The following CHRM3 variants were observed in gnomAD, a reference collection of about 807,000 sequenced individuals.
CHRM3 encodes muscarinic acetylcholine receptor M3.
CHRM3 carries 11 observed loss-of-function variants against 41.8 expected under a neutral mutation model. The ratio of observed to expected loss-of-function variants is 0.26; its 90% CI spans 0.17 to 0.44. The LOEUF is 0.44. Among genes scored for constraint, CHRM3 ranks in the 20% least tolerant of loss-of-function variants. CHRM3 has a pLI of 1.00. For missense variants in CHRM3, 571 were observed against 745.4 expected, an observed-to-expected ratio of 0.77 and a Z score of 2.72; for synonymous variants, 297 against 301.4, an observed-to-expected ratio of 0.99 and a Z score of 0.15.
chr1:239,738,016 AC>A (rs1346535798), intron 5 of CHRM3, among the ~76,000 whole-genome samples: 1 of 152,126 alleles, frequency 6.6e-6, no homozygotes, highest in Non-Finnish European at 1.5e-5. Flanking sequence ...AACAACAACA[AC>A]AAAAAACTGA....
chr1:239,631,891 G>C lies in CHRM3; in HGVS notation c.-312-333G>C, dbSNP rs16838580. The stretch of plus-strand genomic sequence containing the variant: ...TCACTTACATGCAAAATGAAGAGAT[G>C]AGCAACTTCTTTATTTTTATTCTTC... On this transcript the variant is annotated intron_variant, in intron 3 of 6. Transcript: ENST00000676153. Among the ~76,000 whole-genome samples, 340 of 152,314 alleles carry C rather than the reference G, an allele frequency of 2.2e-3. 3 individuals carry two copies. Among genetic ancestry groups the C allele is most frequent in the African/African-American group, 7.8e-3 (325 of 41,584 alleles).
chr1:239,440,409 G>A lies in CHRM3; in HGVS notation c.-520-52300G>A, dbSNP rs137930132. ...TGGCTGAGGCCGATGGAGCACCTGAGCCCAGGAGTTCAAGACCAGCTTGGG... is the reference window on the plus strand; with the variant it reads ...TGGCTGAGGCCGATGGAGCACCTGAACCCAGGAGTTCAAGACCAGCTTGGG... On this transcript the variant is annotated intron_variant, in intron 1 of 6. Transcript: ENST00000676153. 6.6e-3 allele frequency among the ~76,000 whole-genome samples: 997 copies of A among 152,212 alleles called. 13 individuals are homozygous for A. The highest frequency in any genetic ancestry group is 0.022 in the African/African-American group (929 of 41,534).
chr1:239,504,092 C>A (rs562281531), intron 2 of CHRM3, among the ~76,000 whole-genome samples: 2 of 152,136 alleles, frequency 1.3e-5, no homozygotes, highest in Admixed American at 6.5e-5. Context: ...TTTTGCACAG[C>A]AAAAGCTTTG....
chr1:239,526,968 A>T (rs547176777), intron 2 of CHRM3, among the ~76,000 whole-genome samples: 3 of 152,168 alleles, frequency 2.0e-5, no homozygotes, highest in South Asian at 2.1e-4. Flanking sequence ...AAAGATATTT[A>T]AAAAATTAGC....
chr1:239,435,795 T>A (rs1307882938), intron 1 of CHRM3, among the ~76,000 whole-genome samples: 1 of 152,150 alleles, frequency 6.6e-6, no homozygotes, highest in Non-Finnish European at 1.5e-5. Flanking sequence ...TCTTTTTTCT[T>A]TTTGACATTT....
chr1:239,581,348 G>C (rs1183002789), intron 3 of CHRM3, among the ~76,000 whole-genome samples: 5 of 150,940 alleles, frequency 3.3e-5, no homozygotes, highest in Non-Finnish European at 7.4e-5. Context: ...CTTAGATCTT[G>C]TTTACAGTCT....
chr1:239,468,629 A>G (rs183451778), intron 1 of CHRM3, among the ~76,000 whole-genome samples: 66 of 152,302 alleles, frequency 4.3e-4, no homozygotes, highest in African/African-American at 1.5e-3. Context: ...ATACCATTTT[A>G]CTGTTTAGCA....
At chr1:239,799,215 A>C (rs1670017805) in intron 5 of CHRM3, among the ~76,000 whole-genome samples, 1 of 152,214 alleles carries the variant, frequency 6.6e-6, no homozygotes, top group Non-Finnish European at 1.5e-5. Context: ...CCGGGAACTT[A>C]ACAGGTCATG....
At chr1:239,874,293 A>ATC (rs1676873475) in intron 6 of CHRM3, among the ~76,000 whole-genome samples, 2 of 67,078 alleles carry the variant, frequency 3.0e-5, no homozygotes, top group African/African-American at 6.4e-5. Flanking sequence ...CAGTATATAT[A>ATC]TATATATATA....
chr1:239,668,102 T>C (rs1475837071), intron 4 of CHRM3, among the ~76,000 whole-genome samples: 2 of 135,602 alleles, frequency 1.5e-5, no homozygotes, highest in Non-Finnish European at 3.2e-5. Context: ...TTTTTTTTTT[T>C]TTTTTTTTTT....
At chr1:239,580,704 T>TATACATAC (rs570878631) in intron 3 of CHRM3, among the ~76,000 whole-genome samples, 2 of 131,086 alleles carry the variant, frequency 1.5e-5, no homozygotes, top group Non-Finnish European at 3.2e-5. Flanking sequence ...TATATATATA[T>TATACATAC]ACACACACAC....
In CHRM3 at chr1:239,898,657, C is replaced by T. The variant is rs549284333; in HGVS notation, c.-19-8776C>T. 6.6e-5 allele frequency among the ~76,000 whole-genome samples: 10 copies of T among 152,224 alleles called. No homozygotes were observed. The South Asian group carries it at 1.9e-3, about 28-fold the overall frequency. ...ATTTATACGCTTTTAATTGGTTCAGCAGGTTTAAAAATCGAGAGCCCTCAA... is the reference window on the plus strand; with the variant it reads ...ATTTATACGCTTTTAATTGGTTCAGTAGGTTTAAAAATCGAGAGCCCTCAA... On this transcript the variant is annotated intron_variant, in intron 6 of 6. Coordinates refer to ENST00000676153, the MANE Select transcript of CHRM3 (RefSeq NM_001375978.1).
chr1:239,438,500 G>A (rs752140398), intron 1 of CHRM3, among the ~76,000 whole-genome samples: 9 of 152,110 alleles, frequency 5.9e-5, no homozygotes, highest in Non-Finnish European at 1.0e-4. Context: ...CCCTGGTGGC[G>A]TTCACTTCTA....
chr1:239,491,759 C>T (rs111620800), intron 1 of CHRM3, among the ~76,000 whole-genome samples: 432 of 152,264 alleles, frequency 2.8e-3, no homozygotes, highest in Non-Finnish European at 4.3e-3. Flanking sequence ...GAGAAAACTC[C>T]ATGCTGTTTT....
At chr1:239,518,355 C>T (rs1669410752) in intron 2 of CHRM3, among the ~76,000 whole-genome samples, 1 of 152,150 alleles carries the variant, frequency 6.6e-6, no homozygotes. Context: ...CACTTAACCC[C>T]GCTGCCACCT....
chr1:239,718,556 T>TG (rs1294363566), intron 5 of CHRM3, among the ~76,000 whole-genome samples: 1 of 151,932 alleles, frequency 6.6e-6, no homozygotes, highest in Non-Finnish European at 1.5e-5. Flanking sequence ...TTTTCAGAGG[T>TG]GGTATTTCTA....
At chr1:239,786,981 C>T (rs1197550508) in intron 5 of CHRM3, among the ~76,000 whole-genome samples, 2 of 152,188 alleles carry the variant, frequency 1.3e-5, no homozygotes, top group African/African-American at 4.8e-5. Context: ...ACCACTCTGG[C>T]TTCCACATAG....
chr1:239,438,544 G>A (rs2103231961), intron 1 of CHRM3, among the ~76,000 whole-genome samples: 1 of 152,286 alleles, frequency 6.6e-6, no homozygotes, highest in East Asian at 1.9e-4. Context: ...CTTATCGTAT[G>A]ATCTCCTTCT....
intron 6 of CHRM3, among the ~76,000 whole-genome samples, chr1:239,867,769 T>C (rs1194383330): frequency 6.6e-6 from 1 of 151,984 alleles, no homozygotes; most frequent in African/African-American, 2.4e-5. Flanking sequence ...GGTATTCTTA[T>C]AGCTCTGGCT....
Sources: allele counts gnomAD v4.1 joint callset (sites outside exome capture counted in the v4.1 genomes callset), GRCh38; gene constraint gnomAD v4.1.1; transcripts MANE v1.5; gene names NCBI Gene and HGNC (gene_info 2026-07-23, HGNC 2026-07-21).